Variants in NCAN observed in about 807,000 individuals in gnomAD.
The protein encoded by NCAN is neurocan core protein.
Under a neutral mutation model 121.8 loss-of-function variants are expected in NCAN, and 47 were observed. The ratio of observed to expected loss-of-function variants is 0.39; its 90% CI spans 0.31 to 0.49. The LOEUF is 0.49. NCAN is among the 20% of genes least tolerant of loss of function. The pLI is 0.92. For synonymous variants in NCAN, 633 were observed against 702.0 expected (o/e 0.90, Z 1.55); for missense variants, 1,517 against 1,773.4 (o/e 0.86, Z 2.60).
intron 8 of NCAN, among the ~76,000 whole-genome samples, chr19:19,233,137 T>A (rs2060866987): frequency 6.6e-6 from 1 of 152,192 alleles, no homozygotes; most frequent in Admixed American, 6.5e-5. Context: ...TTTCACCATG[T>A]TGGCCAGGCT....
intron 5 of NCAN, 116 bp from the exon 6 acceptor site, chr19:19,224,861 T>C: frequency 1.1e-6 from 1 of 937,190 alleles, no homozygotes; most frequent in Admixed American, 3.7e-5. Context: ...TGTCACCGCC[T>C]CTTCTAACCA....
intron 11 of NCAN, among the ~76,000 whole-genome samples, chr19:19,239,085 C>G (rs780936277): frequency 6.6e-6 from 1 of 152,022 alleles, no homozygotes; most frequent in Admixed American, 6.6e-5. Flanking sequence ...GCGACTGGCT[C>G]GCGCCTTCTC....
chr19:19,228,655 C>T lies in NCAN; in HGVS notation c.3019+16C>T, dbSNP rs62135545. 99 of 1,593,054 alleles carry T rather than the reference C, an allele frequency of 6.2e-5. No individual in the cohort carries two copies. The African/African-American group carries it at 7.6e-4, about 12-fold the overall frequency. On this transcript the variant is annotated intron_variant, in intron 8 of 14. Coordinates refer to ENST00000252575, the MANE Select transcript of NCAN (RefSeq NM_004386.3). ...GCGGAGGAGGGTGAGTACAAAGTCC[C>T]GGGGCTCTGTCCAGCTCTCCATGGT...
In NCAN at chr19:19,212,622, C is replaced by G. The variant is rs2060779581; in HGVS notation, c.-8+558C>G. Among the ~76,000 whole-genome samples the G allele has an allele frequency of 3.9e-5, 6 of 152,320 alleles. No homozygotes were observed. In the South Asian group the frequency reaches 1.2e-3, roughly 32 times the overall value. On this transcript the variant is annotated intron_variant, in intron 1 of 14. Transcript: ENST00000252575. This position sits in a 1 kb window ranked among gnomAD's most constrained non-coding sequence, Gnocchi z 4.5. ...ATGGGGAAGGGGCTCCCTGCCATCT[C>G]CCTGTCCTTTTGGGTCAGGTCCGGT...
rs201414540 is a variant in NCAN at position 19,219,053 on chromosome 19, G to A, written c.212G>A (p.Arg71Gln). 3.7e-4 allele frequency: 600 copies of A among 1,612,206 alleles called. No individual in the cohort carries two copies. Among genetic ancestry groups the A allele is most frequent in the Non-Finnish European group, 4.3e-4 (504 of 1,178,992 alleles). Residue 71 changes from arginine (R) to glutamine (Q), a missense_variant, in exon 3 of 15, where the codon CGA (arginine) becomes CAA (glutamine). Transcript: ENST00000252575. ...CTGCAGCCACGGCCAAGCGCAGCCC[G>A]AGATGCCCCTCGGATAAAGTGGACC... ...FTLQPRPSAA[R>Q]DAPRIKWTKV...
Position 19,251,540 on chromosome 19 carries a change from C to G in NCAN, c.*1629C>G, listed in dbSNP as rs777838147. On this transcript the variant is annotated 3_prime_UTR_variant, in exon 15 of 15. Transcript: ENST00000252575. ...TCCTGTTTTCTGGACCAAATCCTTA[C>G]TCTGGCTCTGCTTACACTTTCTCTC... 6.6e-6 allele frequency: 1 copy of G among 152,138 alleles called. No individual in the cohort carries two copies. Among genetic ancestry groups the G allele is most frequent in the Non-Finnish European group, 1.5e-5 (1 of 68,028 alleles). The allele number at this position is 152,138 out of a possible 1,614,324, so 9.4% of individuals were successfully genotyped here. A position where few individuals can be genotyped will look rare whatever the true frequency, so the allele number is the denominator to read the frequency against.
chr19:19,213,213 A>G (rs2060781898), intron 1 of NCAN, among the ~76,000 whole-genome samples: 1 of 152,072 alleles, frequency 6.6e-6, no homozygotes, highest in South Asian at 2.1e-4. Context: ...GGACATTCTG[A>G]AATCAAGTTC....
intron 8 of NCAN, among the ~76,000 whole-genome samples, chr19:19,230,048 TTTTG>T (rs1281754898): frequency 1.3e-5 from 2 of 152,116 alleles, no homozygotes; most frequent in South Asian, 2.1e-4. Flanking sequence ...CACACTTTTT[TTTTG>T]TTTGTTTTTT....
chr19:19,225,087 TG>T lies in NCAN; in HGVS notation c.891del (p.Trp297CysfsTer72). 6.5e-7 allele frequency: 1 copy of T among 1,532,586 alleles called. No individual in the cohort carries two copies. Among genetic ancestry groups the T allele is most frequent in the Middle Eastern group, 2.1e-4 (1 of 4,786 alleles). The allele number at this position is 1,532,586 out of a possible 1,614,324, so 94.9% of individuals were successfully genotyped here. A position where few individuals can be genotyped will look rare whatever the true frequency, so the allele number is the denominator to read the frequency against. On this transcript the variant is annotated frameshift_variant, in exon 6 of 15. Transcript: ENST00000252575. LOFTEE classifies it high-confidence loss of function. The surrounding 1 kb of genome is among the most constrained non-coding windows in gnomAD (Gnocchi z 4.0). Reference sequence around the variant, plus strand: ...CTCGGTGGGACAGCTGCACCTGGCCTGGCATGAGGGCCTGGACCAGTGCGAC... The same window carrying T: ...CTCGGTGGGACAGCTGCACCTGGCCTGCATGAGGGCCTGGACCAGTGCGAC... ...LASVGQLHLA[W>X]HEGLDQCDPG...
chr19:19,248,939 G>C (rs2060936264), intron 14 of NCAN, 57 bp downstream of exon 14: 1 of 1,567,528 alleles, frequency 6.4e-7, no homozygotes, highest in African/African-American at 1.4e-5. Flanking sequence ...TAGTTTCCAA[G>C]TAAGACATCC....
chr19:19,250,234 TTGA>T lies in NCAN; in HGVS notation c.*327_*329del. Reference sequence around the variant, plus strand: ...TTTGCCAGGCTGATTGAAGCAGGCCTTGATGAGGGTGCATGAGTGTATGTTTGC... The same window carrying T: ...TTTGCCAGGCTGATTGAAGCAGGCCTTGAGGGTGCATGAGTGTATGTTTGC... On this transcript the variant is annotated 3_prime_UTR_variant, in exon 15 of 15. Transcript: ENST00000252575. 1.9e-6 allele frequency: 1 copy of T among 534,564 alleles called. No individual in the cohort carries two copies. The highest frequency in any genetic ancestry group is 3.6e-6 in the Non-Finnish European group (1 of 279,066). 33.1% of individuals were successfully genotyped at this position (534,564 alleles called of 1,614,324 possible).
At chr19:19,216,733 C>T (rs748204501) in intron 1 of NCAN, among the ~76,000 whole-genome samples, 8 of 152,238 alleles carry the variant, frequency 5.3e-5, no homozygotes, top group Admixed American at 1.3e-4. Flanking sequence ...TGAGCCACCG[C>T]GTCCAGCCAC....
At position 19,226,622 on chromosome 19, in the gene NCAN, C is replaced by T. The variant is rs746579771; in HGVS notation, c.1209C>T (p.Asp403=). The T allele has an allele frequency of 1.9e-6, 3 of 1,613,898 alleles. No individual in the cohort carries two copies. The highest frequency in any genetic ancestry group is 2.2e-5 in the South Asian group (2 of 91,086). Reference sequence around the variant, plus strand: ...AGGAGGAAGAGGTGGTCACCCCTGACTTCCAGGAGCCTCTGGTGTCCAGTG... The same window carrying T: ...AGGAGGAAGAGGTGGTCACCCCTGATTTCCAGGAGCCTCTGGTGTCCAGTG... ...TLEEEEVVTP[D]FQEPLVSSGE... The change falls in exon 7 of 15, where the codon GAC becomes GAT. Residue 403 remains aspartate (D), a synonymous_variant. Coordinates refer to ENST00000252575, the MANE Select transcript of NCAN (RefSeq NM_004386.3).
chr19:19,239,418 A>G (rs1371407287), intron 11 of NCAN, among the ~76,000 whole-genome samples: 4 of 83,374 alleles, frequency 4.8e-5, no homozygotes, highest in African/African-American at 2.0e-4. Context: ...TCCTCCTTCT[A>G]TACCTCTTCC....
Position 19,225,069 on chromosome 19 carries a change from G to T in NCAN, c.871G>T (p.Gly291Ter). Residue 291 changes from glycine (G) to a stop codon, truncating the protein, a stop_gained, in exon 6 of 15, where the codon GGA (glycine) becomes TGA (stop). Transcript: ENST00000252575. LOFTEE classifies it high-confidence loss of function. This position sits in a 1 kb window ranked among gnomAD's most constrained non-coding sequence, Gnocchi z 4.0. ...CCAGGGTGCCGCGCTGGCCTCGGTG[G>T]GACAGCTGCACCTGGCCTGGCATGA... ...RRQGAALASV[G>*]QLHLAWHEGL... is the part of the protein sequence containing the mutation. 1 of 1,525,040 alleles carries T rather than the reference G, an allele frequency of 6.6e-7. No individual in the cohort carries two copies. Among genetic ancestry groups the T allele is most frequent in the African/African-American group, 1.4e-5 (1 of 70,982 alleles). 94.5% of individuals were successfully genotyped at this position (1,525,040 alleles called of 1,614,324 possible).
Position 19,224,083 on chromosome 19 carries a change from G to A in NCAN, c.538G>A (p.Glu180Lys). The change falls in exon 4 of 15, where the codon GAG (glutamate) becomes AAG (lysine). Residue 180 changes from glutamate (E) to lysine (K), a missense_variant. Glu to Lys is a moderately conservative substitution (Grantham distance 56). Coordinates refer to ENST00000252575, the MANE Select transcript of NCAN (RefSeq NM_004386.3). ...TGCACTGACCTTCGCTGAGGCCCAGGAGGCCTGCCGTCTCAGCTCAGCCAT... is the reference window on the plus strand; with the variant it reads ...TGCACTGACCTTCGCTGAGGCCCAGAAGGCCTGCCGTCTCAGCTCAGCCAT... ...RYALTFAEAQ[E>K]ACRLSSAIIA... is the part of the protein sequence containing the mutation. 6.2e-7 allele frequency: 1 copy of A among 1,603,976 alleles called. No individual in the cohort carries two copies. The highest frequency in any genetic ancestry group is 8.5e-7 in the Non-Finnish European group (1 of 1,172,274).
intron 13 of NCAN, 25 bp from the exon 14 acceptor site, chr19:19,248,675 C>A (rs2060934898): frequency 6.2e-7 from 1 of 1,605,090 alleles, no homozygotes; most frequent in Non-Finnish European, 8.5e-7. Context: ...GAGCACCTCT[C>A]TCACTAGAGA....
intron 3 of NCAN, among the ~76,000 whole-genome samples, chr19:19,220,450 C>CTTTTTTTTTTTTTTTTTT (rs71170607): frequency 1.4e-5 from 1 of 72,692 alleles, no homozygotes; most frequent in East Asian, 4.4e-4. Context: ...TTAGGCAATT[C>CTTTTTTTTTTTTTTTTTT]TTTTTTTTTT....
Position 19,227,649 on chromosome 19 carries a change from G to T in NCAN, c.2029G>T (p.Val677Leu). 6.2e-7 allele frequency: 1 copy of T among 1,613,952 alleles called. No homozygotes were observed. The highest frequency in any genetic ancestry group is 1.7e-5 in the Admixed American group (1 of 60,018). The part of the protein sequence containing the change: ...APPSPAAETK[V>L]YSLPLSLTPT... Reference sequence around the variant, plus strand: ...ACCCTCCCCTGCTGCAGAGACCAAGGTGTATTCCCTGCCTCTCTCTTTGAC... The same window carrying T: ...ACCCTCCCCTGCTGCAGAGACCAAGTTGTATTCCCTGCCTCTCTCTTTGAC... Residue 677 changes from valine (V) to leucine (L), a missense_variant, in exon 8 of 15, where the codon GTG becomes TTG. Val to Leu is a conservative substitution (Grantham distance 32). Transcript: ENST00000252575. This position sits in a 1 kb window ranked among gnomAD's most constrained non-coding sequence, Gnocchi z 4.2.
Sources: gnomAD v4.1 joint callset for allele counts (sites outside exome capture counted in the v4.1 genomes callset) on GRCh38, gnomAD v4.1.1 for gene constraint, Gnocchi (gnomAD v3.1) non-coding constraint, MANE v1.5 for transcripts, NCBI Gene and HGNC (gene_info 2026-07-23, HGNC 2026-07-21) for gene names.